Variants in PBX1 observed in about 807,000 individuals in gnomAD.
The protein encoded by PBX1 is pre-B-cell leukemia transcription factor 1.
A neutral mutation model predicts 53.4 loss-of-function variants in PBX1; 6 were observed. That is an observed-to-expected ratio of 0.11 (90% CI 0.06 to 0.22). The LOEUF is 0.22. Ranked by LOEUF, PBX1 falls within the 10% of genes least tolerant of loss-of-function variation. PBX1 has a pLI of 1.00. For synonymous variants in PBX1, 204 were observed against 212.3 expected (o/e 0.96, Z 0.34); for missense variants, 251 against 551.4 (o/e 0.46, Z 5.46).
At chr1:164,690,261 A>G (rs897777575) in intron 2 of PBX1, among the ~76,000 whole-genome samples, 2 of 150,404 alleles carry the variant, frequency 1.3e-5, no homozygotes, top group African/African-American at 4.8e-5. Context: ...TCTCTGGGAA[A>G]GAAAGCGGAT....
intron 2 of PBX1, among the ~76,000 whole-genome samples, chr1:164,670,794 G>A (rs550275396): frequency 3.3e-4 from 50 of 152,318 alleles, no homozygotes; most frequent in South Asian, 2.1e-4. Flanking sequence ...CCTGGATGCC[G>A]TTAAGATTGA....
intron 2 of PBX1, among the ~76,000 whole-genome samples, chr1:164,731,146 T>C (rs1415214185): frequency 6.6e-6 from 1 of 152,160 alleles, no homozygotes; most frequent in African/African-American, 2.4e-5. Context: ...GGGCAACAGG[T>C]CTACTGCAGG....
chr1:164,605,661 A>G lies in PBX1; in HGVS notation c.265+42350A>G, dbSNP rs1480423016. Among the ~76,000 whole-genome samples the G allele has an allele frequency of 3.9e-5, 6 of 152,346 alleles. No homozygotes were observed. In the East Asian group the frequency reaches 1.2e-3, roughly 29 times the overall value. On this transcript the variant is annotated intron_variant, in intron 2 of 8. Transcript: ENST00000420696. ...AAAAGGCAACTGACCAAGCATATAA[A>G]TAAAGCTATGAAATTAATACATACA...
rs575406825 is a variant in PBX1 at position 164,601,003 on chromosome 1, G to A, written c.265+37692G>A. 1.1e-4 allele frequency among the ~76,000 whole-genome samples: 17 copies of A among 152,150 alleles called. 1 individual carries two copies. The South Asian group carries it at 2.7e-3, about 24-fold the overall frequency. On this transcript the variant is annotated intron_variant, in intron 2 of 8. Transcript: ENST00000420696. ...TGTAATCCCAGCACTTTGGGAGGCC[G>A]AGGCGGGCAGATCACCTGAGGTGTC...
intron 6 of PBX1, chr1:164,813,550 A>C (rs563166203): frequency 6.6e-6 from 1 of 152,324 alleles, no homozygotes; most frequent in South Asian, 2.1e-4. Context: ...AGACCCAACA[A>C]CACCAGTTGA....
intron 2 of PBX1, among the ~76,000 whole-genome samples, chr1:164,615,987 G>A (rs1486262001): frequency 1.3e-5 from 2 of 152,156 alleles, no homozygotes; most frequent in African/African-American, 4.8e-5. Context: ...GTGCCTTCCA[G>A]GTGATCACCA....
chr1:164,574,018 G>A (rs1264391730), intron 2 of PBX1, among the ~76,000 whole-genome samples: 3 of 152,154 alleles, frequency 2.0e-5, no homozygotes, highest in Non-Finnish European at 2.9e-5. Flanking sequence ...ATGAATAGCC[G>A]TGTTCCAGAT....
Position 164,735,387 on chromosome 1 carries a change from G to A in PBX1, c.266-57107G>A, listed in dbSNP as rs1461833437. ...GGTATTGGTCTGTGCCTACATGTATGTGCTCCATGAGTACAGAATCAGGGA... is the reference window on the plus strand; with the variant it reads ...GGTATTGGTCTGTGCCTACATGTATATGCTCCATGAGTACAGAATCAGGGA... On this transcript the variant is annotated intron_variant, in intron 2 of 8. Transcript: ENST00000420696. Among the ~76,000 whole-genome samples the A allele has an allele frequency of 7.9e-5, 12 of 152,298 alleles. No individual in the cohort carries two copies. In the East Asian group the frequency reaches 2.1e-3, roughly 27 times the overall value.
chr1:164,753,866 C>T (rs553001499), intron 2 of PBX1, among the ~76,000 whole-genome samples: 18 of 152,284 alleles, frequency 1.2e-4, no homozygotes, highest in Middle Eastern at 3.4e-3. Flanking sequence ...GTGTTGGAAA[C>T]GGGAATGATG....
At chr1:164,640,347 C>T (rs1000311374) in intron 2 of PBX1, among the ~76,000 whole-genome samples, 7 of 152,172 alleles carry the variant, frequency 4.6e-5, no homozygotes, top group East Asian at 1.9e-4. Flanking sequence ...TCAGTTTCCC[C>T]GGCTAGAATG....
At chr1:164,801,300 C>A (rs1362982943) in intron 4 of PBX1, among the ~76,000 whole-genome samples, 3 of 152,168 alleles carry the variant, frequency 2.0e-5, no homozygotes, top group Non-Finnish European at 4.4e-5. Context: ...TGTAATGCAG[C>A]CCGTTCTGCG....
At chr1:164,619,017 G>A (rs1310659453) in intron 2 of PBX1, among the ~76,000 whole-genome samples, 1 of 152,172 alleles carries the variant, frequency 6.6e-6, no homozygotes, top group Non-Finnish European at 1.5e-5. Context: ...ATGAAATGGG[G>A]AGATAATCAA....
intron 2 of PBX1, chr1:164,674,633 C>G (rs924784137): frequency 6.6e-6 from 1 of 152,092 alleles, no homozygotes; most frequent in Non-Finnish European, 1.5e-5. Context: ...GAAGCTGATG[C>G]CAACTAAATA....
intron 2 of PBX1, among the ~76,000 whole-genome samples, chr1:164,867,410 GA>G (rs1406183917): frequency 6.6e-6 from 1 of 152,174 alleles, no homozygotes; most frequent in Non-Finnish European, 1.5e-5. Flanking sequence ...AGACCATGCA[GA>G]AAAAAGAAAG....
At chr1:164,610,366 C>T (rs866242629) in intron 2 of PBX1, among the ~76,000 whole-genome samples, 6 of 152,122 alleles carry the variant, frequency 3.9e-5, no homozygotes, top group Middle Eastern at 3.4e-3. Flanking sequence ...ACTTGGGCCA[C>T]GGGGCATCAT....
chr1:164,670,864 G>A (rs1206578449), intron 2 of PBX1, among the ~76,000 whole-genome samples: 2 of 152,196 alleles, frequency 1.3e-5, no homozygotes, highest in Non-Finnish European at 2.9e-5. Flanking sequence ...TTCTGCCTGT[G>A]TCCCTGCGCC....
chr1:164,861,661 T>C (rs1243877337), intron 2 of PBX1, among the ~76,000 whole-genome samples: 1 of 151,890 alleles, frequency 6.6e-6, no homozygotes, highest in East Asian at 1.9e-4. Flanking sequence ...AAGTGACAAG[T>C]GCTAAGGGAA....
rs114367034 is a variant in PBX1 at position 164,865,222 on chromosome 1, G to T, written n.257+33739G>T. Among the ~76,000 whole-genome samples the T allele has an allele frequency of 8.3e-3, 1,266 of 152,320 alleles. 24 individuals carry two copies. The highest frequency in any genetic ancestry group is 0.029 in the African/African-American group (1,204 of 41,568). Reference sequence around the variant, plus strand: ...GAGTAAATTGCTCAAGGAAGTACCTGGCTCATAGCCAGTTCTCATTAAATG... The same window carrying T: ...GAGTAAATTGCTCAAGGAAGTACCTTGCTCATAGCCAGTTCTCATTAAATG... On this transcript the variant is annotated intron_variant and non_coding_transcript_variant, in intron 2 of 2. Coordinates refer to the PBX1 transcript ENST00000558796.
chr1:164,860,504 C>G (rs560313035), intron 2 of PBX1, among the ~76,000 whole-genome samples: 2 of 152,212 alleles, frequency 1.3e-5, no homozygotes, highest in Admixed American at 6.5e-5. Context: ...CTAGAAATTC[C>G]AAGCTTATTT....
Sources: allele counts gnomAD v4.1 joint callset (sites outside exome capture counted in the v4.1 genomes callset), GRCh38; gene constraint gnomAD v4.1.1; transcripts MANE v1.5; gene names NCBI Gene and HGNC (gene_info 2026-07-23, HGNC 2026-07-21).